USP6NL: variants seen among roughly 807,000 people sequenced by gnomAD.
USP6NL encodes USP6 N-terminal-like protein.
Under a neutral mutation model 61.9 loss-of-function variants are expected in USP6NL, and 26 were observed. The observed-to-expected ratio is 0.42, with a 90% CI of 0.31 to 0.58. The LOEUF (loss-of-function observed/expected upper bound fraction) is 0.58. USP6NL is among the 20% of genes least tolerant of loss of function. The probability of loss-of-function intolerance (pLI) is 0.16; values close to 1 mark genes in which losing one functional copy is unlikely to be tolerated. For synonymous variants in USP6NL, 432 were observed against 390.1 expected, an observed-to-expected ratio of 1.11 and a Z score of -1.27; for missense variants, 1,114 against 1,034.3, an observed-to-expected ratio of 1.08 and a Z score of -1.06.
At chr10:11,475,772 G>C (rs1459946023) in intron 14 of USP6NL, among the ~76,000 whole-genome samples, 1 of 151,922 alleles carries the variant, frequency 6.6e-6, no homozygotes, top group Non-Finnish European at 1.5e-5. Flanking sequence ...ATCATCCACA[G>C]ATTATCTGCT....
Position 11,592,287 on chromosome 10 carries a change from G to A in USP6NL, c.4+5344C>T, listed in dbSNP as rs1395018381. 6.6e-6 allele frequency among the ~76,000 whole-genome samples: 1 copy of A among 152,122 alleles called. No individual in the cohort carries two copies. The highest frequency in any genetic ancestry group is 1.9e-4 in the East Asian group (1 of 5,200). ...CAACGAAGTACACTAAACTAAGAAA[G>A]TAATCACACAAATTTTCTGAGAAGC... On this transcript the variant is annotated intron_variant, in intron 2 of 14. Transcript: ENST00000609104. The surrounding 1 kb of genome is among the most constrained non-coding windows in gnomAD (Gnocchi z 4.7).
At chr10:11,524,028 A>G (rs946336298) in intron 4 of USP6NL, among the ~76,000 whole-genome samples, 7 of 152,208 alleles carry the variant, frequency 4.6e-5, no homozygotes, top group African/African-American at 1.7e-4. Flanking sequence ...ATATGCAATC[A>G]TTTCTTGTCA....
intron 10 of USP6NL, 106 bp downstream of exon 10, chr10:11,488,996 A>G (rs1591835575): frequency 6.8e-7 from 1 of 1,461,874 alleles, no homozygotes; most frequent in East Asian, 2.3e-5. Flanking sequence ...ACGAGCCCTG[A>G]GACATTAAAT....
At position 11,548,244 on chromosome 10, in the gene USP6NL, T is replaced by C. The variant is rs1836356024; in HGVS notation, c.5-20677A>G. ...ACATGACATTTACTAAAGTCCCCTT[T>C]GAAATTTGATGCCCCAAATTCAACA... On this transcript the variant is annotated intron_variant, in intron 2 of 14. Transcript: ENST00000609104. The surrounding 1 kb of genome is among the most constrained non-coding windows in gnomAD (Gnocchi z 4.3). 6.6e-6 allele frequency among the ~76,000 whole-genome samples: 1 copy of C among 152,224 alleles called. No individual in the cohort carries two copies. Among genetic ancestry groups the C allele is most frequent in the African/African-American group, 2.4e-5 (1 of 41,464 alleles).
At chr10:11,479,954 A>C (rs1156827110) in intron 14 of USP6NL, among the ~76,000 whole-genome samples, 1 of 152,164 alleles carries the variant, frequency 6.6e-6, no homozygotes, top group Non-Finnish European at 1.5e-5. Context: ...AGTGTTCCAT[A>C]TACAGTTCAC....
Position 11,532,324 on chromosome 10 carries a change from A to T in USP6NL, c.5-4757T>A, listed in dbSNP as rs1835693885. The T allele has an allele frequency of 2.9e-6, 3 of 1,020,154 alleles. No homozygotes were observed. The highest frequency in any genetic ancestry group is 2.1e-4 in the Middle Eastern group (1 of 4,750). The allele number at this position is 1,020,154 out of a possible 1,614,324, so 63.2% of individuals were successfully genotyped here. A position where few individuals can be genotyped will look rare whatever the true frequency, so the allele number is the denominator to read the frequency against. On this transcript the variant is annotated intron_variant, in intron 2 of 14. Coordinates refer to ENST00000609104, the MANE Select transcript of USP6NL (RefSeq NM_014688.5). The surrounding 1 kb of genome is among the most constrained non-coding windows in gnomAD (Gnocchi z 4.1). The stretch of plus-strand genomic sequence containing the variant: ...CCCGGCGGTACCTCACACATTCTGC[A>T]ACTAACTAAAACAAAGAAAGGCAGA...
chr10:11,531,335 CT>C (rs992410727), intron 2 of USP6NL, among the ~76,000 whole-genome samples: 17 of 150,616 alleles, frequency 1.1e-4, no homozygotes, highest in African/African-American at 4.1e-4. Context: ...TTCTTTTTTT[CT>C]TTTTGAGACC....
intron 2 of USP6NL, among the ~76,000 whole-genome samples, chr10:11,578,557 T>C (rs922941832): frequency 3.9e-5 from 6 of 152,118 alleles, no homozygotes; most frequent in Non-Finnish European, 2.9e-5. Context: ...TGAGCTATGA[T>C]TGCACCACTG....
chr10:11,564,445 ATC>A (rs1837049492), intron 2 of USP6NL: 1 of 152,234 alleles, frequency 6.6e-6, no homozygotes, highest in Admixed American at 6.5e-5. Context: ...ATTATCTACT[ATC>A]TGTTATCTCA....
At position 11,470,633 on chromosome 10, in the gene USP6NL, C is replaced by A. The variant is rs1294860622; in HGVS notation, c.1079-6784G>T. Among the ~76,000 whole-genome samples the A allele has an allele frequency of 6.6e-6, 1 of 152,210 alleles. No individual in the cohort carries two copies. Among genetic ancestry groups the A allele is most frequent in the African/African-American group, 2.4e-5 (1 of 41,448 alleles). On this transcript the variant is annotated intron_variant, in intron 14 of 14. Transcript: ENST00000609104. This position sits in a 1 kb window ranked among gnomAD's most constrained non-coding sequence, Gnocchi z 5.4. The stretch of plus-strand genomic sequence containing the variant: ...ATCTCAGCCTGCTTGAACTACCACC[C>A]CTAACCCCACCACACAAACACTGCT...
At chr10:11,507,158 G>T (rs1415401434) in intron 6 of USP6NL, among the ~76,000 whole-genome samples, 1 of 152,154 alleles carries the variant, frequency 6.6e-6, no homozygotes, top group Non-Finnish European at 1.5e-5. Flanking sequence ...TTTTAGAGAG[G>T]CTTACGTACT....
chr10:11,475,301 CAAAAAA>C (rs766814955), intron 14 of USP6NL, among the ~76,000 whole-genome samples: 1 of 127,594 alleles, frequency 7.8e-6, no homozygotes, highest in African/African-American at 2.9e-5. Context: ...GAAAGTTTGC[CAAAAAA>C]AAAAAAAAAT....
intron 14 of USP6NL, among the ~76,000 whole-genome samples, chr10:11,477,566 A>G (rs1371671285): frequency 6.6e-6 from 1 of 152,242 alleles, no homozygotes; most frequent in Non-Finnish European, 1.5e-5. Context: ...ATACTATGTA[A>G]AAGTTCCAGA....
At chr10:11,579,052 G>C (rs1837651451) in intron 2 of USP6NL, among the ~76,000 whole-genome samples, 1 of 152,058 alleles carries the variant, frequency 6.6e-6, no homozygotes, top group Admixed American at 6.5e-5. Flanking sequence ...TGGATGCAGG[G>C]GGAAAAAAAG....
At position 11,513,765 on chromosome 10, in the gene USP6NL, C is replaced by T. The variant is rs116124543; in HGVS notation, c.196-4090G>A. On this transcript the variant is annotated intron_variant, in intron 5 of 14. Transcript: ENST00000609104. The surrounding 1 kb of genome is among the most constrained non-coding windows in gnomAD (Gnocchi z 4.7). Reference sequence around the variant, plus strand: ...TATTACCTCATAAGCAGCCTATATACCAAATTCCCCACTTGCCCCAAGACT... The same window carrying T: ...TATTACCTCATAAGCAGCCTATATATCAAATTCCCCACTTGCCCCAAGACT... Among the ~76,000 whole-genome samples, 2,570 of 152,246 alleles carry T rather than the reference C, an allele frequency of 0.017. 71 individuals carry two copies. The highest frequency in any genetic ancestry group is 0.057 in the African/African-American group (2,369 of 41,552).
chr10:11,475,390 C>T (rs1322791718), intron 14 of USP6NL, among the ~76,000 whole-genome samples: 2 of 151,200 alleles, frequency 1.3e-5, no homozygotes, highest in African/African-American at 2.4e-5. Context: ...GTCAGGAGTT[C>T]GAGACCAGTC....
chr10:11,603,409 A>C (rs1838611614), intron 1 of USP6NL, among the ~76,000 whole-genome samples: 1 of 152,240 alleles, frequency 6.6e-6, no homozygotes, highest in Non-Finnish European at 1.5e-5. Flanking sequence ...TACTTGATAC[A>C]TCATATCAGA....
intron 8 of USP6NL, among the ~76,000 whole-genome samples, chr10:11,492,665 T>C (rs1016737815): frequency 2.0e-5 from 3 of 152,254 alleles, no homozygotes; most frequent in Non-Finnish European, 4.4e-5. Flanking sequence ...CTCTGACTGA[T>C]ACAGAGATCA....
chr10:11,554,040 C>G (rs1836591929), intron 2 of USP6NL, among the ~76,000 whole-genome samples: 1 of 152,170 alleles, frequency 6.6e-6, no homozygotes, highest in African/African-American at 2.4e-5. Flanking sequence ...TCTCCTCTAT[C>G]CTCTGTAAGG....
Sources: gnomAD v4.1 joint callset for allele counts (sites outside exome capture counted in the v4.1 genomes callset) on GRCh38, gnomAD v4.1.1 for gene constraint, Gnocchi (gnomAD v3.1) non-coding constraint, MANE v1.5 for transcripts, NCBI Gene and HGNC (gene_info 2026-07-23, HGNC 2026-07-21) for gene names.